Variants in KATNA1 observed in about 807,000 individuals in gnomAD.
KATNA1 encodes the protein katanin catalytic subunit A1.
Under a neutral mutation model 62.6 loss-of-function variants are expected in KATNA1, and 42 were observed. That is an observed-to-expected ratio of 0.67 (90% CI 0.52 to 0.87). The LOEUF (loss-of-function observed/expected upper bound fraction) is 0.87. Ranked by LOEUF, KATNA1 falls within the 40% of genes least tolerant of loss-of-function variation. KATNA1 has a pLI of 0.00. For synonymous variants in KATNA1, 186 were observed against 201.9 expected (o/e 0.92, Z 0.67); for missense variants, 498 against 612.5 (o/e 0.81, Z 1.97).
intron 7 of KATNA1, 70 bp from the exon 8 acceptor site, chr6:149,598,420 G>GCAAT (rs1215275877): frequency 3.3e-6 from 5 of 1,510,358 alleles, no homozygotes; most frequent in Non-Finnish European, 3.6e-6. Context: ...CTACAGATTA[G>GCAAT]CAATCAGAAA....
intron 2 of KATNA1, among the ~76,000 whole-genome samples, chr6:149,637,309 G>A (rs1419670078): frequency 6.6e-6 from 1 of 152,108 alleles, no homozygotes; most frequent in Non-Finnish European, 1.5e-5. Flanking sequence ...CCACTCAGGA[G>A]GCTGAGGTGG....
intron 4 of KATNA1, among the ~76,000 whole-genome samples, chr6:149,606,732 C>T (rs761669292): frequency 5.3e-5 from 8 of 151,718 alleles, no homozygotes; most frequent in Non-Finnish European, 1.2e-4. Context: ...AATTCTCCTG[C>T]CTCAGCCTTC....
At chr6:149,607,678 T>C (rs73606715) in intron 4 of KATNA1, among the ~76,000 whole-genome samples, 4,092 of 152,200 alleles carry the variant, frequency 0.027, 164 homozygotes, top group African/African-American at 0.092. Context: ...AAAAAAACAG[T>C]TGAGGGATTC....
At chr6:149,615,493 C>G (rs927818278) in intron 4 of KATNA1, among the ~76,000 whole-genome samples, 1 of 152,040 alleles carries the variant, frequency 6.6e-6, no homozygotes, top group African/African-American at 2.4e-5. Flanking sequence ...GCATGAGCAC[C>G]ATCCCCGGCG....
chr6:149,615,641 T>C (rs1486175177), intron 4 of KATNA1, among the ~76,000 whole-genome samples: 1 of 152,000 alleles, frequency 6.6e-6, no homozygotes, highest in Non-Finnish European at 1.5e-5. Context: ...GACAAAAAAC[T>C]GACAGGGTGT....
intron 4 of KATNA1, among the ~76,000 whole-genome samples, chr6:149,615,188 A>T (rs1215681508): frequency 6.6e-6 from 1 of 151,096 alleles, no homozygotes; most frequent in African/African-American, 2.4e-5. Flanking sequence ...GTAATGTAGA[A>T]AATTATTTTT....
At chr6:149,615,531 C>G (rs1779137330) in intron 4 of KATNA1, among the ~76,000 whole-genome samples, 1 of 152,008 alleles carries the variant, frequency 6.6e-6, no homozygotes, top group East Asian at 1.9e-4. Flanking sequence ...AGGAAAAAGA[C>G]AGATAGGCAT....
chr6:149,642,020 G>A (rs555125687), intron 1 of KATNA1, among the ~76,000 whole-genome samples: 31 of 151,886 alleles, frequency 2.0e-4, no homozygotes, highest in South Asian at 4.2e-4. Flanking sequence ...CTCCTGCCTC[G>A]GCCTCCCGAG....
intron 4 of KATNA1, among the ~76,000 whole-genome samples, chr6:149,614,158 C>A (rs1050223301): frequency 6.6e-6 from 1 of 152,186 alleles, no homozygotes; most frequent in Admixed American, 6.5e-5. Flanking sequence ...GGCAACTGTA[C>A]ACGTGCTCCT....
chr6:149,641,155 C>A (rs1474031261), intron 1 of KATNA1, among the ~76,000 whole-genome samples: 6 of 150,096 alleles, frequency 4.0e-5, no homozygotes, highest in Non-Finnish European at 8.9e-5. Context: ...CAGGTGTGAG[C>A]CACCGCACCT....
chr6:149,613,200 A>AAAAAAAT (rs1779029619), intron 4 of KATNA1, among the ~76,000 whole-genome samples: 1 of 142,268 alleles, frequency 7.0e-6, no homozygotes, highest in African/African-American at 2.6e-5. Flanking sequence ...AAAAAAAAAA[A>AAAAAAAT]AAAAAAAAAA....
intron 1 of KATNA1, among the ~76,000 whole-genome samples, chr6:149,643,396 T>G (rs1780362036): frequency 6.6e-6 from 1 of 152,174 alleles, no homozygotes; most frequent in African/African-American, 2.4e-5. Flanking sequence ...TTGTTTTAAG[T>G]CACCAAGTTT....
chr6:149,633,392 C>A (rs534658949), intron 2 of KATNA1, among the ~76,000 whole-genome samples: 3 of 152,064 alleles, frequency 2.0e-5, no homozygotes, highest in African/African-American at 7.2e-5. Context: ...CAGGCGTGAG[C>A]CACTGCGCTC....
chr6:149,598,530 C>G (rs1778415049), intron 7 of KATNA1, among the ~76,000 whole-genome samples, 180 bp from the exon 8 acceptor site: 1 of 151,912 alleles, frequency 6.6e-6, no homozygotes, highest in Admixed American at 6.6e-5. Context: ...CGAGACCAGC[C>G]TGGGCAACAT....
At chr6:149,639,426 C>T (rs1780199810) in intron 1 of KATNA1, among the ~76,000 whole-genome samples, 2 of 151,764 alleles carry the variant, frequency 1.3e-5, no homozygotes, top group Admixed American at 6.6e-5. Flanking sequence ...TGGTGAAACT[C>T]GGTCTCTACT....
intron 4 of KATNA1, among the ~76,000 whole-genome samples, chr6:149,605,086 C>A (rs1778686714): frequency 6.6e-6 from 1 of 151,468 alleles, no homozygotes; most frequent in Non-Finnish European, 1.5e-5. Flanking sequence ...GGCAGGAGAA[C>A]AGTGTGAACC....
chr6:149,608,223 C>T (rs932792716), intron 4 of KATNA1, among the ~76,000 whole-genome samples: 2 of 152,120 alleles, frequency 1.3e-5, no homozygotes, highest in Non-Finnish European at 2.9e-5. Context: ...CTAAACAGAG[C>T]TAAAACCCTT....
intron 10 of KATNA1, among the ~76,000 whole-genome samples, chr6:149,596,410 C>T (rs1263876969): frequency 6.6e-6 from 1 of 152,166 alleles, no homozygotes; most frequent in Non-Finnish European, 1.5e-5. Flanking sequence ...TGGTGCATGC[C>T]TGTAATCCCA....
intron 3 of KATNA1, among the ~76,000 whole-genome samples, chr6:149,627,426 C>T (rs954694240): frequency 1.3e-5 from 2 of 149,362 alleles, no homozygotes; most frequent in Non-Finnish European, 1.5e-5. Flanking sequence ...ATTAGCTGGG[C>T]GTGGTGGTGC....
Sources: allele counts gnomAD v4.1 joint callset (sites outside exome capture counted in the v4.1 genomes callset), GRCh38; gene constraint gnomAD v4.1.1; transcripts MANE v1.5; gene names NCBI Gene and HGNC (gene_info 2026-07-23, HGNC 2026-07-21).